PTPRD: variants seen among roughly 807,000 people sequenced by gnomAD.
PTPRD encodes the protein receptor-type tyrosine-protein phosphatase delta.
PTPRD carries 34 observed loss-of-function variants against 214.5 expected under a neutral mutation model. The observed-to-expected ratio is 0.16, with a 90% CI of 0.12 to 0.21. The LOEUF is 0.21. Ranked by LOEUF, PTPRD falls within the 10% of genes least tolerant of loss-of-function variation. The pLI is 1.00. For synonymous variants in PTPRD, 1,128 were observed against 845.7 expected (o/e 1.33, Z -5.79); for missense variants, 2,545 against 2,398.7 (o/e 1.06, Z -1.27).
intron 7 of PTPRD, among the ~76,000 whole-genome samples, chr9:9,721,799 A>C (rs1412982621): frequency 1.3e-5 from 2 of 152,148 alleles, no homozygotes; most frequent in Non-Finnish European, 2.9e-5. Flanking sequence ...AATTAATCAC[A>C]TTAGTAATAA....
intron 8 of PTPRD, among the ~76,000 whole-genome samples, chr9:9,477,911 G>C (rs530846796): frequency 6.6e-6 from 1 of 152,084 alleles, no homozygotes; most frequent in Non-Finnish European, 1.5e-5. Context: ...GTAATAAATA[G>C]TTCTCAAAAA....
intron 14 of PTPRD, among the ~76,000 whole-genome samples, chr9:8,560,785 G>T (rs1469673878): frequency 6.6e-6 from 1 of 152,114 alleles, no homozygotes; most frequent in Non-Finnish European, 1.5e-5. Context: ...TCACAACAGG[G>T]TTATCCAGTG....
At chr9:9,256,635 G>A (rs2099977825) in intron 9 of PTPRD, among the ~76,000 whole-genome samples, 1 of 151,880 alleles carries the variant, frequency 6.6e-6, no homozygotes, top group African/African-American at 2.4e-5. Context: ...CCTAGCCTCG[G>A]TTCTTTCTAT....
At chr9:9,533,985 G>A (rs2076022882) in intron 8 of PTPRD, among the ~76,000 whole-genome samples, 1 of 151,946 alleles carries the variant, frequency 6.6e-6, no homozygotes, top group Non-Finnish European at 1.5e-5. Flanking sequence ...TAAAAAATAT[G>A]TTAAAATTGC....
Position 10,478,965 on chromosome 9 carries a change from A to G in PTPRD, c.-600+133433T>C, listed in dbSNP as rs1237219810. On this transcript the variant is annotated intron_variant, in intron 2 of 45. Coordinates refer to ENST00000381196, the MANE Select transcript of PTPRD (RefSeq NM_002839.4). The stretch of plus-strand genomic sequence containing the variant: ...ATACATAAATCTATTTTTAAGAGAA[A>G]TATTAATAATTGAATAAAAAGTTTT... Among the ~76,000 whole-genome samples the G allele has an allele frequency of 3.9e-5, 6 of 152,196 alleles. No individual in the cohort carries two copies. In the South Asian group the frequency reaches 1.2e-3, roughly 32 times the overall value.
At chr9:8,732,184 C>G (rs2098666904) in intron 12 of PTPRD, among the ~76,000 whole-genome samples, 1 of 152,186 alleles carries the variant, frequency 6.6e-6, no homozygotes, top group Non-Finnish European at 1.5e-5. Flanking sequence ...CCTTTCTAAA[C>G]TCCACATCTG....
At chr9:10,608,534 A>C (rs543932844) in intron 2 of PTPRD, among the ~76,000 whole-genome samples, 1 of 152,116 alleles carries the variant, frequency 6.6e-6, no homozygotes, top group Non-Finnish European at 1.5e-5. Context: ...CAGGATTCTC[A>C]AACTGCCACA....
intron 10 of PTPRD, among the ~76,000 whole-genome samples, chr9:9,031,741 A>G (rs1163743130): frequency 6.6e-6 from 1 of 152,040 alleles, no homozygotes; most frequent in African/African-American, 2.4e-5. Flanking sequence ...CAAATAGGAA[A>G]GAGACACCTG....
At chr9:9,512,583 G>A (rs963138991) in intron 8 of PTPRD, among the ~76,000 whole-genome samples, 27 of 151,778 alleles carry the variant, frequency 1.8e-4, no homozygotes, top group Admixed American at 1.3e-3. Context: ...TTCTCATTTC[G>A]TGAGCCTCTT....
In PTPRD at chr9:10,146,340, G is replaced by T. The variant is rs932944634; in HGVS notation, c.-544-112550C>A. Among the ~76,000 whole-genome samples the T allele has an allele frequency of 1.3e-4, 19 of 151,872 alleles. 1 individual carries two copies. The highest frequency in any genetic ancestry group is 1.1e-3 in the Admixed American group (16 of 15,218). On this transcript the variant is annotated intron_variant, in intron 3 of 45. Coordinates refer to ENST00000381196, the MANE Select transcript of PTPRD (RefSeq NM_002839.4). ...GAAAAACACTATCCTAAGTGGTAAG[G>T]ATACATGGTTAATAAGACCAATAAA...
chr9:9,380,524 T>A (rs961588406), intron 9 of PTPRD, among the ~76,000 whole-genome samples: 2 of 152,088 alleles, frequency 1.3e-5, no homozygotes, highest in Non-Finnish European at 2.9e-5. Context: ...TGATTTATAG[T>A]TTGATTTGTG....
At chr9:10,317,856 A>T (rs1330555505) in intron 3 of PTPRD, among the ~76,000 whole-genome samples, 1 of 152,060 alleles carries the variant, frequency 6.6e-6, no homozygotes, top group Non-Finnish European at 1.5e-5. Context: ...CATGTGATAC[A>T]TATGTATAAT....
intron 35 of PTPRD, among the ~76,000 whole-genome samples, chr9:8,411,438 G>A (rs1384703361): frequency 6.6e-6 from 1 of 152,026 alleles, no homozygotes; most frequent in Non-Finnish European, 1.5e-5. Context: ...CAAGTAGCTG[G>A]GATTACAGGC....
intron 8 of PTPRD, among the ~76,000 whole-genome samples, chr9:9,407,038 G>C (rs1044643605): frequency 6.6e-6 from 1 of 151,576 alleles, no homozygotes; most frequent in African/African-American, 2.4e-5. Context: ...TAAGTAAATA[G>C]GAATAGTAAT....
At chr9:9,298,840 G>C (rs771287745) in intron 9 of PTPRD, among the ~76,000 whole-genome samples, 11 of 151,662 alleles carry the variant, frequency 7.3e-5, no homozygotes, top group Non-Finnish European at 2.9e-5. Flanking sequence ...ATAAGAAAAA[G>C]TTATAAAATA....
intron 5 of PTPRD, among the ~76,000 whole-genome samples, chr9:9,923,857 A>G (rs1392036417): frequency 6.6e-6 from 1 of 152,036 alleles, no homozygotes; most frequent in African/African-American, 2.4e-5. Context: ...ATGAAGTGCG[A>G]TCTAGGAACA....
intron 11 of PTPRD, among the ~76,000 whole-genome samples, chr9:8,948,465 T>TTATATATA (rs1299534558): frequency 1.5e-4 from 1 of 6,726 alleles, no homozygotes; most frequent in Non-Finnish European, 3.1e-4. Flanking sequence ...ATATATATAT[T>TTATATATA]TACATATATA....
chr9:9,144,650 G>A (rs1353158425), intron 10 of PTPRD, among the ~76,000 whole-genome samples: 1 of 152,088 alleles, frequency 6.6e-6, no homozygotes, highest in Admixed American at 6.5e-5. Context: ...CTACTCCGGA[G>A]GTTGAAGCAC....
At chr9:8,934,393 ATGTGTGTGTGTG>A (rs756848411) in intron 11 of PTPRD, among the ~76,000 whole-genome samples, 51 of 48,204 alleles carry the variant, frequency 1.1e-3, no homozygotes, top group Non-Finnish European at 1.7e-3. Context: ...AATACTAATT[ATGTGTGTGTGTG>A]TGTGTGTGTG....
Sources: gnomAD v4.1 joint callset for allele counts (sites outside exome capture counted in the v4.1 genomes callset) on GRCh38, gnomAD v4.1.1 for gene constraint, MANE v1.5 for transcripts, NCBI Gene and HGNC (gene_info 2026-07-23, HGNC 2026-07-21) for gene names.